TCP1: variants seen among roughly 807,000 people sequenced by gnomAD.
TCP1 encodes T-complex protein 1 subunit alpha.
Under a neutral mutation model 54.7 loss-of-function variants are expected in TCP1, and 6 were observed. The ratio of observed to expected loss-of-function variants is 0.11; its 90% confidence interval spans 0.06 to 0.22. TCP1 has a LOEUF of 0.22. TCP1 is among the 10% of genes least tolerant of loss of function. The pLI, the probability that TCP1 is intolerant of heterozygous loss-of-function variation, is 1.00. For synonymous variants in TCP1, 225 were observed against 229.7 expected (o/e 0.98, Z 0.19); for missense variants, 511 against 678.2 (o/e 0.75, Z 2.74).
chr6:159,787,704 T>C, intron 3 of TCP1, 39 bp downstream of exon 3: 2 of 1,589,676 alleles, frequency 1.3e-6, no homozygotes, highest in African/African-American at 1.3e-5. Context: ...AAGTCGGTCG[T>C]TTTTAGAAAA....
rs1780501261 is a variant in TCP1 at position 159,778,893 on chromosome 6, G to A, written c.*152C>T. 3 of 1,602,846 alleles carry A rather than the reference G, an allele frequency of 1.9e-6. No homozygotes were observed. The highest frequency in any genetic ancestry group is 2.6e-6 in the Non-Finnish European group (3 of 1,172,586). ...CTAATAAAGTACTAGGTTGCAATAT[G>A]TGAAATCAGAGGACCAAAGTACAGA... On this transcript the variant is annotated 3_prime_UTR_variant, in exon 12 of 12. Coordinates refer to ENST00000321394, the MANE Select transcript of TCP1 (RefSeq NM_030752.3).
Position 159,780,068 on chromosome 6 carries a change from C to T in TCP1, c.1117G>A (p.Ala373Thr). 6.2e-7 allele frequency: 1 copy of T among 1,614,078 alleles called. No homozygotes were observed. Among genetic ancestry groups the T allele is most frequent in the Non-Finnish European group, 8.5e-7 (1 of 1,180,014 alleles). ...LIKNTKARTSASIILRGANDF... is the reference protein window; with the variant it reads ...LIKNTKARTSTSIILRGANDF... ...TTTGCCCCACGTAAGATAATCGATG[C>T]AGACGTACGAGCCTTAGTACTGTTC... is the stretch of plus-strand genomic sequence containing the variant. The change falls in exon 10 of 12, where the codon GCA (alanine) becomes ACA (threonine). Residue 373 changes from alanine to threonine, a missense_variant. Ala to Thr is a moderately conservative substitution (Grantham distance 58). Around this residue, in one of 5 missense-constraint regions of TCP1, gnomAD observed 305 missense variants for 352.8 expected, o/e 0.86. Coordinates refer to ENST00000321394, the MANE Select transcript of TCP1 (RefSeq NM_030752.3).
At chr6:159,782,531 T>C (rs949433212) in intron 7 of TCP1, among the ~76,000 whole-genome samples, 2 of 152,276 alleles carry the variant, frequency 1.3e-5, no homozygotes, top group African/African-American at 2.4e-5. Context: ...TCAAGCGGTC[T>C]TGGTGACAGA....
At chr6:159,784,152 A>G (rs1780638937) in intron 6 of TCP1, 85 bp from the exon 7 acceptor site, 1 of 1,448,642 alleles carries the variant, frequency 6.9e-7, no homozygotes. Context: ...ATGTAAACAC[A>G]CAAATTTAGA....
At chr6:159,781,232 C>A in intron 7 of TCP1, 122 bp from the exon 8 acceptor site, 1 of 924,048 alleles carries the variant, frequency 1.1e-6, no homozygotes, top group South Asian at 2.5e-5. Context: ...TTATCTCTGA[C>A]CAGAATTTAA....
chr6:159,780,012 A>C lies in TCP1; in HGVS notation c.1173T>G (p.Ser391=). 6.2e-7 allele frequency: 1 copy of C among 1,614,194 alleles called. No individual in the cohort carries two copies. The highest frequency in any genetic ancestry group is 8.5e-7 in the Non-Finnish European group (1 of 1,180,022). ...TCACTACACAAAGTGCATCATGTAA[A>C]GAGCGCTCCATCTCATCACACATGA... ...NDFMCDEMER[S]LHDALCVVKR... The change falls in exon 10 of 12, where the codon TCT becomes TCG. Residue 391 remains serine (S), a synonymous_variant. Transcript: ENST00000321394.
At position 159,781,014 on chromosome 6, in the gene TCP1, C is replaced by G. The variant is rs762711626; in HGVS notation, c.894G>C (p.Lys298Asn). 1 of 1,613,758 alleles carries G rather than the reference C, an allele frequency of 6.2e-7. No homozygotes were observed. The highest frequency in any genetic ancestry group is 1.7e-5 in the Admixed American group (1 of 59,946). Residue 298 changes from lysine to asparagine, a missense_variant, in exon 8 of 12, where the codon AAG (lysine) becomes AAC (asparagine). Around this residue, in one of 5 missense-constraint regions of TCP1, gnomAD observed 305 missense variants for 352.8 expected, o/e 0.86. Transcript: ENST00000321394. ...TTGGIDDMCL[K>N]YFVEAGAMAV... ...CCATAGCACCAGCCTCCACAAAATA[C>G]TTCAGACACATATCATCAATTCCAC...
In TCP1 at chr6:159,789,521, T is replaced by G. The variant is rs1780799785; in HGVS notation, c.-53A>C. The G allele has an allele frequency of 6.2e-7, 1 of 1,606,026 alleles. No individual in the cohort carries two copies. The highest frequency in any genetic ancestry group is 8.5e-7 in the Non-Finnish European group (1 of 1,174,438). On this transcript the variant is annotated 5_prime_UTR_variant, in exon 1 of 12. Coordinates refer to ENST00000321394, the MANE Select transcript of TCP1 (RefSeq NM_030752.3). ...CTGCTTACACCGCGGGCAACCAGTATCGCGGCCCCTCGGCCGACCGGCGAC... is the reference window on the plus strand; with the variant it reads ...CTGCTTACACCGCGGGCAACCAGTAGCGCGGCCCCTCGGCCGACCGGCGAC...
rs1178444452 is a variant in TCP1, at chr6:159,789,462, C to G, written c.7G>C (p.Gly3Arg). 1.2e-6 allele frequency: 2 copies of G among 1,613,940 alleles called. No individual in the cohort carries two copies. The highest frequency in any genetic ancestry group is 3.3e-5 in the Admixed American group (2 of 60,032). ...CGGTCACCGAACACGGACAAAGGCC[C>G]CTCCATCTTGACGGCAGCGATACAC... The part of the protein sequence containing the change: ME[G>R]PLSVFGDRST... Residue 3 changes from glycine to arginine, a missense_variant, in exon 1 of 12, where the codon GGG (glycine) becomes CGG (arginine). Transcript: ENST00000321394.
Position 159,785,464 on chromosome 6 carries a change from A to G in TCP1, c.410T>C (p.Ile137Thr). The change falls in exon 5 of 12, where the codon ATT becomes ACT. Residue 137 changes from isoleucine (I) to threonine (T), a missense_variant. Physicochemically the swap from Ile to Thr is moderately conservative, Grantham distance 89 (BLOSUM62 -1). This residue lies in a region of TCP1 where 305 missense variants were observed against 352.8 expected (regional missense o/e 0.86). Transcript: ENST00000321394. ...TCTTCCCAGTTCATCTGTGTTAACAATTAGGTTTTCATTGATATAACGCAC... is the reference window on the plus strand; with the variant it reads ...TCTTCCCAGTTCATCTGTGTTAACAGTTAGGTTTTCATTGATATAACGCAC... ...EAVRYINENL[I>T]VNTDELGRDC... 2 of 1,614,014 alleles carry G rather than the reference A, an allele frequency of 1.2e-6. No homozygotes were observed. The highest frequency in any genetic ancestry group is 1.3e-5 in the African/African-American group (1 of 75,066).
At position 159,780,553 on chromosome 6, in the gene TCP1, T is replaced by G. The variant is rs765561906; in HGVS notation, c.987A>C (p.Ser329=). Reference sequence around the variant, plus strand: ...CTTCACCTTCCAAATTGGCCAGGGTTGACAGAATAGTTGCTAATAAGAGAG... The same window carrying G: ...CTTCACCTTCCAAATTGGCCAGGGTGGACAGAATAGTTGCTAATAAGAGAG... ...IAKASGATIL[S]TLANLEGEET... The change falls in exon 9 of 12, where the codon TCA becomes TCC. Residue 329 remains serine, a synonymous_variant. Transcript: ENST00000321394. The G allele has an allele frequency of 6.2e-7, 1 of 1,612,428 alleles. No homozygotes were observed. Among genetic ancestry groups the G allele is most frequent in the South Asian group, 1.1e-5 (1 of 90,526 alleles).
intron 3 of TCP1, among the ~76,000 whole-genome samples, chr6:159,786,284 GT>G (rs889185781): frequency 4.0e-5 from 6 of 151,878 alleles, no homozygotes; most frequent in African/African-American, 1.2e-4. Flanking sequence ...AGGAAAACTT[GT>G]TTTTTTATAC....
At chr6:159,784,620 T>A (rs1401092472) in intron 6 of TCP1, 46 bp downstream of exon 6, 7 of 1,582,978 alleles carry the variant, frequency 4.4e-6, no homozygotes, top group Admixed American at 1.8e-5. Context: ...AAAGCTAGTT[T>A]TAATCTGTAG....
intron 6 of TCP1, among the ~76,000 whole-genome samples, chr6:159,784,439 G>A (rs1780647054): frequency 6.6e-6 from 1 of 151,862 alleles, no homozygotes. Flanking sequence ...CAAGTAGCTG[G>A]GACTACAGGC....
rs1364684161 is a variant in TCP1, at chr6:159,778,839, A to G, written c.*206T>C. ...TGTTCAGAGAGAATGAATTGCTTAA[A>G]CTTTGAACAACCTCAATTTCTTTTT... On this transcript the variant is annotated 3_prime_UTR_variant, in exon 12 of 12. Transcript: ENST00000321394. 2 of 1,614,012 alleles carry G rather than the reference A, an allele frequency of 1.2e-6. No homozygotes were observed. The highest frequency in any genetic ancestry group is 1.7e-5 in the Admixed American group (1 of 60,012).
At chr6:159,785,308 C>T (rs1211604368) in intron 5 of TCP1, 78 bp downstream of exon 5, 2 of 1,094,162 alleles carry the variant, frequency 1.8e-6, no homozygotes, top group Non-Finnish European at 1.4e-6. Context: ...GCTGGGACTA[C>T]AGGCACATAC....
intron 6 of TCP1, 94 bp from the exon 7 acceptor site, chr6:159,784,161 G>C: frequency 1.5e-5 from 22 of 1,419,924 alleles, no homozygotes; most frequent in Non-Finnish European, 2.0e-5. Flanking sequence ...CACAAATTTA[G>C]ACTAATTCAT....
chr6:159,783,373 T>G (rs1031574062), intron 7 of TCP1, among the ~76,000 whole-genome samples: 2 of 126,056 alleles, frequency 1.6e-5, no homozygotes, highest in Non-Finnish European at 1.6e-5. Context: ...AACTACTGTT[T>G]AAACTATTTT....
intron 11 of TCP1, 174 bp downstream of exon 11, chr6:159,779,453 T>A: frequency 2.0e-6 from 2 of 984,494 alleles, no homozygotes; most frequent in Non-Finnish European, 3.0e-6. Context: ...TGCTAATAAT[T>A]AGTCATTATC....
Sources: allele counts gnomAD v4.1 joint callset (sites outside exome capture counted in the v4.1 genomes callset), GRCh38; gene constraint gnomAD v4.1.1; regional missense constraint gnomAD v4.1.1; transcripts MANE v1.5; gene names NCBI Gene and HGNC (gene_info 2026-07-23, HGNC 2026-07-21).